The following CFAP97D1 variants were observed in gnomAD, a reference collection of about 807,000 sequenced individuals.
CFAP97D1 encodes CFAP97 domain containing 1.
CFAP97D1 carries 15 observed loss-of-function variants against 20.5 expected under a neutral mutation model. The ratio of observed to expected loss-of-function variants is 0.73; its 90% confidence interval spans 0.49 to 1.13. The LOEUF (loss-of-function observed/expected upper bound fraction) is 1.13. Ranked by LOEUF, CFAP97D1 falls within the 50% of genes most tolerant of loss-of-function variation. The probability of loss-of-function intolerance (pLI) is 0.00; values close to 1 mark genes in which losing one functional copy is unlikely to be tolerated. For missense variants in CFAP97D1, 168 were observed against 202.9 expected, an observed-to-expected ratio of 0.83 and a Z score of 1.04; for synonymous variants, 58 against 71.2, an observed-to-expected ratio of 0.82 and a Z score of 0.93.
At position 43,783,860 on chromosome 17, in the gene CFAP97D1, TACC is replaced by T. The variant is rs1483448611; in HGVS notation, c.465_467del (p.Thr156del). 13 of 1,550,354 alleles carry T rather than the reference TACC, an allele frequency of 8.4e-6. No individual in the cohort carries two copies. Among genetic ancestry groups the T allele is most frequent in the Non-Finnish European group, 1.0e-5 (12 of 1,146,774 alleles). ...AGAATTCAAGGCGCTATATCAGAAA[TACC>T]ACGAGATATCTTCTCTCCCAAAATG... On this transcript the variant is annotated inframe_deletion, in exon 5 of 6. Coordinates refer to ENST00000449302, the MANE Select transcript of CFAP97D1 (RefSeq NM_001136483.3).
intron 3 of CFAP97D1, among the ~76,000 whole-genome samples, chr17:43,782,568 G>A (rs930233895): frequency 2.6e-5 from 4 of 152,240 alleles, no homozygotes; most frequent in Admixed American, 2.6e-4. Context: ...TATGTGCTAG[G>A]TACCAGGAAT....
At chr17:43,781,614 C>T (rs939221828) in intron 2 of CFAP97D1, among the ~76,000 whole-genome samples, 160 bp from the exon 3 acceptor site, 3 of 151,250 alleles carry the variant, frequency 2.0e-5, no homozygotes, top group Admixed American at 6.5e-5. Flanking sequence ...CGTGAGCCAC[C>T]GTGCCCGGCC....
In CFAP97D1 at chr17:43,784,512, G is replaced by GT. The variant is rs2044278424; in HGVS notation, c.*131dup. On this transcript the variant is annotated 3_prime_UTR_variant, in exon 6 of 6. Coordinates refer to ENST00000449302, the MANE Select transcript of CFAP97D1 (RefSeq NM_001136483.3). The stretch of plus-strand genomic sequence containing the variant: ...CAATAAAGCTTGGAACATAAAATGC[G>GT]TAAGTTACATTTAGGGGACCCAAAG... The GT allele has an allele frequency of 6.6e-6, 1 of 152,162 alleles. No homozygotes were observed. Among genetic ancestry groups the GT allele is most frequent in the East Asian group, 1.9e-4 (1 of 5,194 alleles). 9.4% of individuals were successfully genotyped at this position (152,162 alleles called of 1,614,324 possible). A position where few individuals can be genotyped will look rare whatever the true frequency, so the allele number is the denominator to read the frequency against.
chr17:43,782,713 C>G (rs914528368), intron 3 of CFAP97D1: 1 of 157,068 alleles, frequency 6.4e-6, no homozygotes, highest in African/African-American at 2.4e-5. Context: ...AAAGAATTTG[C>G]TGGGGGCGAG....
In CFAP97D1 at chr17:43,783,164, GT is replaced by G; in HGVS notation, c.315-12del. On this transcript the variant is annotated splice_polypyrimidine_tract_variant and intron_variant, in intron 3 of 5. Coordinates refer to ENST00000449302, the MANE Select transcript of CFAP97D1 (RefSeq NM_001136483.3). ...CATTTCCTTCTTCACCCATTTCGGG[GT>G]TTTGTGTTTTTCAGCTTAAACAGAG... The G allele has an allele frequency of 1.3e-6, 2 of 1,551,520 alleles. No homozygotes were observed. Among genetic ancestry groups the G allele is most frequent in the Non-Finnish European group, 1.7e-6 (2 of 1,146,930 alleles).
chr17:43,780,711 G>A, intron 1 of CFAP97D1, 125 bp downstream of exon 1: 1 of 1,032,812 alleles, frequency 9.7e-7, no homozygotes, highest in Non-Finnish European at 1.4e-6. Context: ...TGCTGAGTTT[G>A]GGGAAGAGGG....
rs1488347196 is a variant in CFAP97D1 at position 43,786,398 on chromosome 17, CAGGTAGTTGCACATAAAGGAACAGGG to C, written c.*2020_*2045del. On this transcript the variant is annotated 3_prime_UTR_variant, in exon 6 of 6. Transcript: ENST00000449302. ...TCTATTTTGAAATAATGAAAATTCA[CAGGTAGTTGCACATAAAGGAACAGGG>C]AGGCCTCCTGCACCCTTTACCCAGT... 6.6e-6 allele frequency: 1 copy of C among 152,192 alleles called. No homozygotes were observed. The highest frequency in any genetic ancestry group is 2.4e-5 in the African/African-American group (1 of 41,442). The allele number at this position is 152,192 out of a possible 1,614,324, so 9.4% of individuals were successfully genotyped here. A position where few individuals can be genotyped will look rare whatever the true frequency, so the allele number is the denominator to read the frequency against.
At position 43,786,185 on chromosome 17, in the gene CFAP97D1, T is replaced by A. The variant is rs2044291453; in HGVS notation, c.*1803T>A. On this transcript the variant is annotated 3_prime_UTR_variant, in exon 6 of 6. Coordinates refer to ENST00000449302, the MANE Select transcript of CFAP97D1 (RefSeq NM_001136483.3). ...GCCTCTTGTCTGTTTTTGTTCTTTC[T>A]GAATCCACAGCAAGTTGGATGATGC... 6.6e-6 allele frequency: 1 copy of A among 152,190 alleles called. No individual in the cohort carries two copies. Among genetic ancestry groups the A allele is most frequent in the South Asian group, 2.1e-4 (1 of 4,826 alleles). 9.4% of individuals were successfully genotyped at this position (152,190 alleles called of 1,614,324 possible). A position where few individuals can be genotyped will look rare whatever the true frequency, so the allele number is the denominator to read the frequency against.
intron 2 of CFAP97D1, 137 bp downstream of exon 2, chr17:43,781,326 C>A: frequency 1.4e-6 from 1 of 713,716 alleles, no homozygotes; most frequent in Non-Finnish European, 2.3e-6. Flanking sequence ...CCTCCCCACG[C>A]GTCACCCCCA....
At position 43,784,826 on chromosome 17, in the gene CFAP97D1, C is replaced by T. The variant is rs572829844; in HGVS notation, c.*444C>T. 5 of 152,244 alleles carry T rather than the reference C, an allele frequency of 3.3e-5. No individual in the cohort carries two copies. The highest frequency in any genetic ancestry group is 1.3e-4 in the Admixed American group (2 of 15,288). The allele number at this position is 152,244 out of a possible 1,614,324, so 9.4% of individuals were successfully genotyped here. A position where few individuals can be genotyped will look rare whatever the true frequency, so the allele number is the denominator to read the frequency against. On this transcript the variant is annotated 3_prime_UTR_variant, in exon 6 of 6. Coordinates refer to ENST00000449302, the MANE Select transcript of CFAP97D1 (RefSeq NM_001136483.3). Reference sequence around the variant, plus strand: ...TAGTTCCTCTGTGAATACACACGATCGGAAAAGAATGCCTCATTGAAGTTT... The same window carrying T: ...TAGTTCCTCTGTGAATACACACGATTGGAAAAGAATGCCTCATTGAAGTTT...
At chr17:43,781,720 T>C (rs1974476363) in intron 2 of CFAP97D1, 54 bp from the exon 3 acceptor site, 1 of 1,119,910 alleles carries the variant, frequency 8.9e-7, no homozygotes, top group Non-Finnish European at 1.3e-6. Flanking sequence ...AGTCATTGTG[T>C]GTTGGGGCAG....
rs748930887 is a variant in CFAP97D1 at position 43,781,870 on chromosome 17, T to C, written c.292T>C (p.Trp98Arg). The C allele has an allele frequency of 7.7e-6, 12 of 1,549,918 alleles. No homozygotes were observed. The South Asian group carries it at 1.3e-4, about 17-fold the overall frequency. Reference sequence around the variant, plus strand: ...TCGCGGCCCTGCCAAGGTGGATTGCTGGAATGAATATTTTTCCAAGAGGTA... The same window carrying C: ...TCGCGGCCCTGCCAAGGTGGATTGCCGGAATGAATATTTTTCCAAGAGGTA... ...AHRGPAKVDC[W>R]NEYFSKSLNR... Residue 98 changes from tryptophan to arginine, a missense_variant, in exon 3 of 6, where the codon TGG (tryptophan) becomes CGG (arginine). Trp to Arg is a moderately radical substitution (Grantham distance 101). Transcript: ENST00000449302.
intron 4 of CFAP97D1, 61 bp downstream of exon 4, chr17:43,783,364 G>A: frequency 6.5e-7 from 1 of 1,533,646 alleles, no homozygotes; most frequent in South Asian, 1.2e-5. Flanking sequence ...GTTCAGCCTA[G>A]AGAGAGTCTC....
chr17:43,782,284 G>A (rs911235807), intron 3 of CFAP97D1, among the ~76,000 whole-genome samples: 4 of 152,100 alleles, frequency 2.6e-5, no homozygotes, highest in East Asian at 1.9e-4. Flanking sequence ...CAGTAAATTC[G>A]GCATCTGAGG....
chr17:43,784,905 A>G lies in CFAP97D1; in HGVS notation c.*523A>G, dbSNP rs187741616. The stretch of plus-strand genomic sequence containing the variant: ...AGCAGCAGTGAAAATGTCTCAAAAC[A>G]TACGGTGAGACAATGTTGCAGGCCT... On this transcript the variant is annotated 3_prime_UTR_variant, in exon 6 of 6. Coordinates refer to ENST00000449302, the MANE Select transcript of CFAP97D1 (RefSeq NM_001136483.3). 45 of 152,296 alleles carry G rather than the reference A, an allele frequency of 3.0e-4. 1 individual carries two copies. The highest frequency in any genetic ancestry group is 1.7e-3 in the Admixed American group (26 of 15,298). 9.4% of individuals were successfully genotyped at this position (152,296 alleles called of 1,614,324 possible).
At position 43,781,863 on chromosome 17, in the gene CFAP97D1, G is replaced by T; in HGVS notation, c.285G>T (p.Val95=). 6.4e-7 allele frequency: 1 copy of T among 1,550,620 alleles called. No homozygotes were observed. The highest frequency in any genetic ancestry group is 8.7e-7 in the Non-Finnish European group (1 of 1,146,026). Residue 95 remains valine, a synonymous_variant, in exon 3 of 6, where the codon GTG becomes GTT. Coordinates refer to ENST00000449302, the MANE Select transcript of CFAP97D1 (RefSeq NM_001136483.3). ...IANAHRGPAK[V]DCWNEYFSKS... ...ATGCCCATCGCGGCCCTGCCAAGGT[G>T]GATTGCTGGAATGAATATTTTTCCA...
chr17:43,780,810 A>G (rs1219814351), intron 1 of CFAP97D1, among the ~76,000 whole-genome samples: 6 of 152,242 alleles, frequency 3.9e-5, no homozygotes, highest in Admixed American at 6.5e-5. Context: ...GAAGTACGTT[A>G]GAAAGGGGAT....
In CFAP97D1 at chr17:43,787,525, G is replaced by A. The variant is rs1259469481; in HGVS notation, c.*3143G>A. The stretch of plus-strand genomic sequence containing the variant: ...TATAGTTTTGCACTATGCTACCACT[G>A]GGGGAATCTGGTAAGGAGTTTACAG... On this transcript the variant is annotated 3_prime_UTR_variant, in exon 6 of 6. Transcript: ENST00000449302. 2.0e-5 allele frequency: 3 copies of A among 151,972 alleles called. No individual in the cohort carries two copies. The highest frequency in any genetic ancestry group is 4.8e-5 in the African/African-American group (2 of 41,366). The allele number at this position is 151,972 out of a possible 1,614,324, so 9.4% of individuals were successfully genotyped here.
chr17:43,780,998 G>A (rs528859988), intron 1 of CFAP97D1, 121 bp from the exon 2 acceptor site: 10 of 697,896 alleles, frequency 1.4e-5, no homozygotes, highest in Admixed American at 2.9e-5. Flanking sequence ...TTCTTGAGTC[G>A]CATTAAGGTC....
Sources: allele counts gnomAD v4.1 joint callset (sites outside exome capture counted in the v4.1 genomes callset), GRCh38; gene constraint gnomAD v4.1.1; transcripts MANE v1.5; gene names NCBI Gene and HGNC (gene_info 2026-07-23, HGNC 2026-07-21).